Variants in SNTG1 observed in about 807,000 individuals in gnomAD.
SNTG1 encodes gamma-1-syntrophin.
SNTG1 carries 39 observed loss-of-function variants against 74.7 expected under a neutral mutation model. The ratio of observed to expected loss-of-function variants is 0.52; its 90% confidence interval spans 0.40 to 0.68. The LOEUF (loss-of-function observed/expected upper bound fraction) is 0.68. Ranked by LOEUF, SNTG1 falls within the 30% of genes least tolerant of loss-of-function variation. The pLI, the probability that SNTG1 is intolerant of heterozygous loss-of-function variation, is 0.00. For synonymous variants in SNTG1, 254 were observed against 217.1 expected (o/e 1.17, Z -1.49); for missense variants, 685 against 609.5 (o/e 1.12, Z -1.30).
intron 1 of SNTG1, among the ~76,000 whole-genome samples, chr8:49,946,273 T>C (rs1353868519): frequency 1.3e-5 from 2 of 152,220 alleles, no homozygotes; most frequent in Non-Finnish European, 2.9e-5. Flanking sequence ...TTTCATACTC[T>C]TAAGCATATA....
At position 50,119,237 on chromosome 8, in the gene SNTG1, C is replaced by T. The variant is rs1253288185; in HGVS notation, c.-102-53324C>T. ...CGAAGTGCCCACTTTTATATTTTATCACTGATCACTGCCACCACAGAGAGA... is the reference window on the plus strand; with the variant it reads ...CGAAGTGCCCACTTTTATATTTTATTACTGATCACTGCCACCACAGAGAGA... On this transcript the variant is annotated intron_variant, in intron 1 of 18. Coordinates refer to ENST00000642720, the MANE Select transcript of SNTG1 (RefSeq NM_018967.5). 1.4e-5 allele frequency among the ~76,000 whole-genome samples: 2 copies of T among 141,140 alleles called. 1 individual carries two copies. Among genetic ancestry groups the T allele is most frequent in the Non-Finnish European group, 3.1e-5 (2 of 63,536 alleles). 92.6% of individuals were successfully genotyped at this position (141,140 alleles called of 152,430 possible).
At chr8:50,729,795 G>T (rs1302430866) in intron 17 of SNTG1, among the ~76,000 whole-genome samples, 1 of 152,160 alleles carries the variant, frequency 6.6e-6, no homozygotes, top group Non-Finnish European at 1.5e-5. Context: ...TACTTAAGGG[G>T]AATTCTGAAG....
intron 1 of SNTG1, among the ~76,000 whole-genome samples, chr8:50,159,340 G>A (rs1039238171): frequency 6.6e-6 from 1 of 151,954 alleles, no homozygotes; most frequent in Non-Finnish European, 1.5e-5. Flanking sequence ...TACGTTTCCT[G>A]GTTATACCAA....
At chr8:50,700,912 CA>C (rs2095421337) in intron 15 of SNTG1, among the ~76,000 whole-genome samples, 2 of 152,160 alleles carry the variant, frequency 1.3e-5, no homozygotes, top group South Asian at 4.1e-4. Flanking sequence ...ACTATATTTG[CA>C]GAGTTGATTA....
chr8:50,343,088 AT>A (rs2091366126), intron 2 of SNTG1, among the ~76,000 whole-genome samples: 1 of 152,098 alleles, frequency 6.6e-6, no homozygotes, highest in African/African-American at 2.4e-5. Flanking sequence ...TGTCACTGAA[AT>A]TTTTCCTGCT....
intron 2 of SNTG1, among the ~76,000 whole-genome samples, chr8:50,294,472 G>A (rs10086021): frequency 0.069 from 10,521 of 152,214 alleles, 840 homozygotes; most frequent in African/African-American, 0.18. Context: ...AAAATTTGCA[G>A]TTGAAGTTCA....
chr8:50,377,022 C>T (rs1270922790), intron 2 of SNTG1, among the ~76,000 whole-genome samples: 1 of 152,092 alleles, frequency 6.6e-6, no homozygotes, highest in Non-Finnish European at 1.5e-5. Flanking sequence ...GCCTGGGCAT[C>T]ATGAGCCCAG....
At chr8:50,072,009 T>A (rs2131008906) in intron 1 of SNTG1, among the ~76,000 whole-genome samples, 1 of 152,314 alleles carries the variant, frequency 6.6e-6, no homozygotes, top group African/African-American at 2.4e-5. Flanking sequence ...ATTATCAAAA[T>A]ACAGCAAAAT....
intron 1 of SNTG1, among the ~76,000 whole-genome samples, chr8:49,965,990 C>G (rs781618844): frequency 6.6e-6 from 1 of 152,116 alleles, no homozygotes; most frequent in Non-Finnish European, 1.5e-5. Flanking sequence ...CTTCATCTAC[C>G]CAACTAAGCT....
intron 2 of SNTG1, chr8:50,286,935 G>A (rs989126498): frequency 6.6e-6 from 1 of 152,106 alleles, no homozygotes; most frequent in African/African-American, 2.4e-5. Flanking sequence ...GCTTGTTTTA[G>A]ACCTAATTTT....
At chr8:50,467,855 A>T (rs1426998836) in intron 8 of SNTG1, among the ~76,000 whole-genome samples, 2 of 151,880 alleles carry the variant, frequency 1.3e-5, no homozygotes, top group Admixed American at 6.6e-5. Flanking sequence ...TGAGTTCAAA[A>T]TATTTTTAAA....
chr8:50,442,327 TG>T (rs1463338139), intron 5 of SNTG1, among the ~76,000 whole-genome samples: 1 of 152,144 alleles, frequency 6.6e-6, no homozygotes, highest in African/African-American at 2.4e-5. Context: ...TTTGGAGTCA[TG>T]ACACACATTT....
At chr8:50,491,901 G>T (rs938445830) in intron 8 of SNTG1, among the ~76,000 whole-genome samples, 1 of 59,802 alleles carries the variant, frequency 1.7e-5, no homozygotes, top group Non-Finnish European at 3.7e-5. Context: ...CCTACCACCC[G>T]CAGGCCCCAG....
At chr8:49,933,887 G>C (rs921377381) in intron 1 of SNTG1, among the ~76,000 whole-genome samples, 1 of 152,098 alleles carries the variant, frequency 6.6e-6, no homozygotes, top group Non-Finnish European at 1.5e-5. Flanking sequence ...CAGGGATATC[G>C]CTACATATTT....
intron 12 of SNTG1, among the ~76,000 whole-genome samples, chr8:50,556,283 C>A (rs2094455153): frequency 6.6e-6 from 1 of 152,080 alleles, no homozygotes; most frequent in African/African-American, 2.4e-5. Flanking sequence ...TATTTAAATT[C>A]TATGCTTTCA....
intron 1 of SNTG1, among the ~76,000 whole-genome samples, chr8:50,085,051 C>A (rs951196815): frequency 6.6e-6 from 1 of 152,300 alleles, no homozygotes. Flanking sequence ...AGTTTAAGTG[C>A]ACTCTTAAGT....
chr8:50,173,993 C>T (rs2082902150), intron 2 of SNTG1, among the ~76,000 whole-genome samples: 1 of 152,104 alleles, frequency 6.6e-6, no homozygotes, highest in African/African-American at 2.4e-5. Flanking sequence ...CCCCTTGGCC[C>T]CAACTCCCAA....
At chr8:49,984,967 C>T (rs1813023890) in intron 1 of SNTG1, among the ~76,000 whole-genome samples, 1 of 151,966 alleles carries the variant, frequency 6.6e-6, no homozygotes, top group Non-Finnish European at 1.5e-5. Context: ...TACCAATTTC[C>T]AGAAGGAAAA....
At chr8:49,983,238 A>G (rs1346560153) in intron 1 of SNTG1, among the ~76,000 whole-genome samples, 1 of 152,216 alleles carries the variant, frequency 6.6e-6, no homozygotes, top group Non-Finnish European at 1.5e-5. Flanking sequence ...TTAACATAGG[A>G]ACTTTCTGAT....
Sources: allele counts gnomAD v4.1 joint callset (sites outside exome capture counted in the v4.1 genomes callset), GRCh38; gene constraint gnomAD v4.1.1; transcripts MANE v1.5; gene names NCBI Gene and HGNC (gene_info 2026-07-23, HGNC 2026-07-21).